RFX8: variants seen among roughly 807,000 people sequenced by gnomAD.
RFX8 encodes the protein DNA-binding protein RFX8.
RFX8 carries 46 observed loss-of-function variants against 54.6 expected under a neutral mutation model. The observed-to-expected ratio is 0.84, with a 90% CI of 0.67 to 1.08. RFX8 has a LOEUF of 1.08. RFX8 is among the 50% of genes least tolerant of loss of function. The pLI is 0.00. For missense variants in RFX8, 536 were observed against 562.3 expected (o/e 0.95, Z 0.47); for synonymous variants, 192 against 209.5 (o/e 0.92, Z 0.72).
chr2:101,406,058 CTGTT>C lies in RFX8; in HGVS notation c.814-5_814-2del. ...TAAACTCTTCTTTGCTTCTGCTTGT[CTGTT>C]AAGTTTTTGTGAGAAAAAAGGCTGC... On this transcript the variant is annotated splice_acceptor_variant and splice_polypyrimidine_tract_variant and intron_variant, in intron 9 of 11. Transcript: ENST00000428343. LOFTEE classifies it high-confidence loss of function. 1 of 1,528,808 alleles carries C rather than the reference CTGTT, an allele frequency of 6.5e-7. No homozygotes were observed. Among genetic ancestry groups the C allele is most frequent in the East Asian group, 2.5e-5 (1 of 40,570 alleles). The allele number at this position is 1,528,808 out of a possible 1,614,324, so 94.7% of individuals were successfully genotyped here.
At chr2:101,470,550 A>G (rs571362028) in intron 1 of RFX8, among the ~76,000 whole-genome samples, 1 of 152,096 alleles carries the variant, frequency 6.6e-6, no homozygotes, top group Non-Finnish European at 1.5e-5. Flanking sequence ...TAGCTTCGTA[A>G]TAACACTATT....
intron 2 of RFX8, among the ~76,000 whole-genome samples, chr2:101,437,388 C>T (rs7556845): frequency 0.46 from 70,449 of 151,854 alleles, 17,694 homozygotes; most frequent in Middle Eastern, 0.55. Context: ...GTGTGGACAA[C>T]ACAACAAGAC....
intron 2 of RFX8, among the ~76,000 whole-genome samples, chr2:101,458,217 GT>G (rs1427302077): frequency 6.6e-6 from 1 of 152,090 alleles, no homozygotes; most frequent in African/African-American, 2.4e-5. Context: ...TACATTTAAG[GT>G]TAATATTGTT....
At chr2:101,447,082 G>C (rs1688428338) in intron 2 of RFX8, among the ~76,000 whole-genome samples, 1 of 152,150 alleles carries the variant, frequency 6.6e-6, no homozygotes, top group South Asian at 2.1e-4. Flanking sequence ...TTGAGGTTTA[G>C]GTGGGACAGG....
At chr2:101,403,369 T>TC (rs1414051546) in intron 10 of RFX8, among the ~76,000 whole-genome samples, 1 of 152,142 alleles carries the variant, frequency 6.6e-6, no homozygotes, top group Non-Finnish European at 1.5e-5. Context: ...GCCTTTGTGC[T>TC]CCCAGAAAGG....
At chr2:101,418,614 T>C (rs1266671412) in intron 5 of RFX8, among the ~76,000 whole-genome samples, 1 of 152,256 alleles carries the variant, frequency 6.6e-6, no homozygotes, top group African/African-American at 2.4e-5. Context: ...CAATTCGGAC[T>C]TCACTGATAT....
intron 9 of RFX8, among the ~76,000 whole-genome samples, chr2:101,409,458 C>T (rs1415910789): frequency 6.6e-6 from 1 of 151,854 alleles, no homozygotes. Flanking sequence ...CATCTCCTGA[C>T]CTTGTGATCT....
intron 1 of RFX8, 89 bp from the exon 2 acceptor site, chr2:101,466,989 T>A: frequency 1.5e-6 from 1 of 665,090 alleles, no homozygotes; most frequent in African/African-American, 1.8e-5. Context: ...AAGATGTGTA[T>A]GAGGTTCCAA....
At chr2:101,468,400 C>T (rs1183723394) in intron 1 of RFX8, among the ~76,000 whole-genome samples, 1 of 152,202 alleles carries the variant, frequency 6.6e-6, no homozygotes, top group Non-Finnish European at 1.5e-5. Flanking sequence ...CTGCCTGTGT[C>T]TTACACAGCC....
intron 11 of RFX8, among the ~76,000 whole-genome samples, chr2:101,399,114 G>A (rs1016387122): frequency 9.2e-5 from 14 of 152,226 alleles, no homozygotes; most frequent in Non-Finnish European, 1.0e-4. Context: ...GAATGTAGAA[G>A]AGGGACAGAT....
chr2:101,441,968 GTTC>G (rs1369246789), intron 2 of RFX8, among the ~76,000 whole-genome samples: 7 of 152,122 alleles, frequency 4.6e-5, no homozygotes, highest in Admixed American at 1.3e-4. Flanking sequence ...GTTTCCTTTG[GTTC>G]TTCTTCTTCT....
At chr2:101,469,446 C>T (rs933419871) in intron 1 of RFX8, among the ~76,000 whole-genome samples, 1 of 152,036 alleles carries the variant, frequency 6.6e-6, no homozygotes, top group Admixed American at 6.6e-5. Context: ...AACCACTGCA[C>T]CTGGCTTATA....
Position 101,447,488 on chromosome 2 carries a change from T to G in RFX8, c.72+19289A>C, listed in dbSNP as rs181157670. Among the ~76,000 whole-genome samples, 136 of 152,268 alleles carry G rather than the reference T, an allele frequency of 8.9e-4. No homozygotes were observed. In the Middle Eastern group the frequency reaches 0.01, roughly 11 times the overall value. On this transcript the variant is annotated intron_variant, in intron 2 of 11. Coordinates refer to ENST00000428343, the MANE Select transcript of RFX8 (RefSeq NM_001145664.2). ...TGGTAAAAGTTTGCTCTTTGCTGCT[T>G]CTTCTTCTTTTTTAACATACTAATT...
intron 11 of RFX8, among the ~76,000 whole-genome samples, chr2:101,402,098 G>A (rs1435321163): frequency 3.9e-5 from 6 of 152,220 alleles, no homozygotes; most frequent in African/African-American, 1.4e-4. Flanking sequence ...AACACTAGGG[G>A]AATTTTCAGT....
chr2:101,448,544 G>C (rs1004848055), intron 2 of RFX8, among the ~76,000 whole-genome samples: 1 of 152,162 alleles, frequency 6.6e-6, no homozygotes, highest in Non-Finnish European at 1.5e-5. Context: ...CAAAATGTGT[G>C]CTGCACATCT....
At chr2:101,414,575 A>G (rs1686378434) in intron 7 of RFX8, among the ~76,000 whole-genome samples, 1 of 151,936 alleles carries the variant, frequency 6.6e-6, no homozygotes, top group Non-Finnish European at 1.5e-5. Flanking sequence ...ACGCCTGGCC[A>G]TCGGGCATCT....
chr2:101,441,107 C>T (rs890291562), intron 2 of RFX8, among the ~76,000 whole-genome samples: 3 of 151,852 alleles, frequency 2.0e-5, no homozygotes, highest in Non-Finnish European at 4.4e-5. Flanking sequence ...GCCGGGACTA[C>T]AGGCGCCCGC....
intron 9 of RFX8, 74 bp from the exon 10 acceptor site, chr2:101,406,131 C>A: frequency 3.8e-6 from 3 of 798,372 alleles, no homozygotes; most frequent in Non-Finnish European, 6.0e-6. Flanking sequence ...TTCAAATGCA[C>A]ACATTTGTCA....
rs375753643 is a variant in RFX8, at chr2:101,402,428, G to T, written c.1245+8C>A. The T allele has an allele frequency of 2.8e-4, 428 of 1,539,934 alleles. 1 individual carries two copies. In the African/African-American group the frequency reaches 5.6e-3, roughly 20 times the overall value. On this transcript the variant is annotated splice_region_variant and intron_variant, in intron 11 of 11. Transcript: ENST00000428343. The stretch of plus-strand genomic sequence containing the variant: ...CAGCTGTGTGGAAGGGGGTCCTGGT[G>T]TCCCTACCTTATTGCCCATGGCAGT...
Sources: gnomAD v4.1 joint callset for allele counts (sites outside exome capture counted in the v4.1 genomes callset) on GRCh38, gnomAD v4.1.1 for gene constraint, MANE v1.5 for transcripts, NCBI Gene and HGNC (gene_info 2026-07-23, HGNC 2026-07-21) for gene names.